The following CEP63 variants were observed in gnomAD, a reference collection of about 807,000 sequenced individuals.
CEP63 encodes the protein centrosomal protein of 63 kDa.
A neutral mutation model predicts 89.1 loss-of-function variants in CEP63; 84 were observed. The ratio of observed to expected loss-of-function variants is 0.94; its 90% confidence interval spans 0.79 to 1.13. The LOEUF is 1.13. CEP63 is among the 50% of genes most tolerant of loss of function. The pLI is 0.00. For synonymous variants in CEP63, 267 were observed against 272.5 expected, an observed-to-expected ratio of 0.98 and a Z score of 0.20; for missense variants, 838 against 813.3, an observed-to-expected ratio of 1.03 and a Z score of -0.37.
intron 2 of CEP63, among the ~76,000 whole-genome samples, chr3:134,499,629 T>G (rs1448089415): frequency 6.6e-6 from 1 of 152,118 alleles, no homozygotes; most frequent in African/African-American, 2.4e-5. Context: ...ACTGTTTTTA[T>G]TTTTTAGATT....
intron 3 of CEP63, among the ~76,000 whole-genome samples, chr3:134,511,945 C>A (rs907662046): frequency 6.6e-6 from 1 of 152,142 alleles, no homozygotes; most frequent in African/African-American, 2.4e-5. Flanking sequence ...GCACTTAGTC[C>A]TAGGGTGTAA....
intron 5 of CEP63, among the ~76,000 whole-genome samples, chr3:134,534,323 T>C (rs1296333123): frequency 6.6e-6 from 1 of 152,180 alleles, no homozygotes; most frequent in East Asian, 1.9e-4. Flanking sequence ...TTATTCCCAC[T>C]GCCATTCCTT....
At chr3:134,719,981 A>G in the CEP63 span, among the ~76,000 whole-genome samples, 1 of 152,174 alleles carries the variant, frequency 6.6e-6, no homozygotes, top group Non-Finnish European at 1.5e-5. Context: ...TGTCTTGGGT[A>G]TATACCTAGG....
chr3:134,511,714 C>T (rs752437291), intron 3 of CEP63, among the ~76,000 whole-genome samples: 4 of 152,022 alleles, frequency 2.6e-5, no homozygotes, highest in African/African-American at 4.8e-5. Context: ...GAGGAGGAGA[C>T]GGAGCAAAGG....
the CEP63 span, chr3:134,629,429 A>G: frequency 1.8e-6 from 1 of 559,266 alleles, no homozygotes; most frequent in South Asian, 2.4e-5. Flanking sequence ...GAGATGCAAA[A>G]TCAGCGGTAG....
downstream of CEP63, among the ~76,000 whole-genome samples, chr3:134,569,020 T>G (rs1034396709): frequency 6.6e-6 from 1 of 151,968 alleles, no homozygotes; most frequent in South Asian, 2.1e-4. Flanking sequence ...GCAGAGAAAC[T>G]CCCCTTTTTA....
chr3:134,737,272 C>T, the CEP63 span, among the ~76,000 whole-genome samples: 1 of 151,998 alleles, frequency 6.6e-6, no homozygotes, highest in Non-Finnish European at 1.5e-5. Context: ...ACAATAAGCA[C>T]AAAATCTAAT....
intron 1 of CEP63, chr3:134,486,509 C>T: frequency 1.0e-6 from 1 of 985,812 alleles, no homozygotes; most frequent in Non-Finnish European, 1.2e-6. Flanking sequence ...AGGTGGTCAG[C>T]CCTTCCTCGG....
At chr3:134,609,015 C>A in the CEP63 span, among the ~76,000 whole-genome samples, 1 of 152,208 alleles carries the variant, frequency 6.6e-6, no homozygotes, top group African/African-American at 2.4e-5. Context: ...GTAGTCAAGG[C>A]AGGGTCTGAG....
At chr3:134,598,828 G>A in the CEP63 span, among the ~76,000 whole-genome samples, 2 of 152,204 alleles carry the variant, frequency 1.3e-5, no homozygotes, top group Non-Finnish European at 2.9e-5. Context: ...TTTTGACTCG[G>A]AGATGCCTGT....
the CEP63 span, among the ~76,000 whole-genome samples, chr3:134,631,159 GA>G: frequency 6.6e-6 from 1 of 152,122 alleles, no homozygotes; most frequent in Admixed American, 6.5e-5. Flanking sequence ...ATATGATGCA[GA>G]AAAAATATTT....
intron 3 of CEP63, chr3:134,510,405 C>A: frequency 4.7e-6 from 1 of 210,994 alleles, no homozygotes; most frequent in African/African-American, 2.3e-5. Flanking sequence ...CACCAGTCTG[C>A]ATGGACTGTA....
At chr3:134,673,155 T>C in the CEP63 span, among the ~76,000 whole-genome samples, 2 of 152,182 alleles carry the variant, frequency 1.3e-5, no homozygotes, top group African/African-American at 4.8e-5. Flanking sequence ...TGTTCATACC[T>C]AAAGACTGTA....
intron 2 of CEP63, among the ~76,000 whole-genome samples, chr3:134,495,777 C>T (rs777434358): frequency 1.4e-4 from 22 of 152,190 alleles, no homozygotes; most frequent in Non-Finnish European, 3.1e-4. Flanking sequence ...CTACTCTCTA[C>T]CTCCATGAGG....
At chr3:134,620,255 G>A in the CEP63 span, among the ~76,000 whole-genome samples, 34 of 152,352 alleles carry the variant, frequency 2.2e-4, no homozygotes, top group African/African-American at 8.2e-4. Flanking sequence ...GAACCTTGGA[G>A]ACTGCGCTGG....
At chr3:134,696,479 C>T in the CEP63 span, among the ~76,000 whole-genome samples, 3 of 152,180 alleles carry the variant, frequency 2.0e-5, no homozygotes, top group African/African-American at 4.8e-5. Context: ...AGACTACATG[C>T]GGCATCCTGA....
At chr3:134,695,858 C>T in the CEP63 span, among the ~76,000 whole-genome samples, 1 of 152,200 alleles carries the variant, frequency 6.6e-6, no homozygotes. Flanking sequence ...CTTATGTGTA[C>T]TAACTCAGTG....
the CEP63 span, among the ~76,000 whole-genome samples, chr3:134,666,448 C>G: frequency 6.6e-6 from 1 of 152,198 alleles, no homozygotes; most frequent in African/African-American, 2.4e-5. Flanking sequence ...CCAGGATATG[C>G]CAAGCATTGG....
the CEP63 span, among the ~76,000 whole-genome samples, chr3:134,701,325 C>CGTATATATGTGTATAT: frequency 2.6e-5 from 1 of 38,306 alleles, no homozygotes; most frequent in African/African-American, 5.9e-5. Flanking sequence ...TGTATATATA[C>CGTATATATGTGTATAT]ATATACACAC....
Sources: allele counts gnomAD v4.1 joint callset (sites outside exome capture counted in the v4.1 genomes callset), GRCh38; gene constraint gnomAD v4.1.1; transcripts MANE v1.5; gene names NCBI Gene and HGNC (gene_info 2026-07-23, HGNC 2026-07-21).